TEX11: variants seen among roughly 807,000 people sequenced by gnomAD.
TEX11 encodes testis-expressed protein 11.
Under a neutral mutation model 84.4 loss-of-function variants are expected in TEX11, and 7 were observed. The observed-to-expected ratio is 0.08, with a 90% CI of 0.05 to 0.16. The LOEUF (loss-of-function observed/expected upper bound fraction) is 0.16, where lower values mean the gene tolerates loss of function less well. Among genes scored for constraint, TEX11 ranks in the 10% least tolerant of loss-of-function variants. The pLI is 1.00. For synonymous variants in TEX11, 264 were observed against 222.8 expected (o/e 1.18, Z -1.64); for missense variants, 551 against 660.5 (o/e 0.83, Z 1.82).
intron 25 of TEX11, among the ~76,000 whole-genome samples, chrX:70,556,292 C>T (rs762996726): frequency 9.1e-6 from 1 of 110,181 alleles, no homozygotes; most frequent in Non-Finnish European, 1.9e-5. Flanking sequence ...TAGTTGTAGC[C>T]TACACATTTT....
intron 13 of TEX11, among the ~76,000 whole-genome samples, 188 bp from the exon 14 acceptor site, chrX:70,683,013 A>G (rs898403509): frequency 2.7e-5 from 3 of 111,816 alleles, no homozygotes; most frequent in Non-Finnish European, 5.6e-5. Context: ...ATTTCAGTTT[A>G]TTAAGCCATA....
intron 9 of TEX11, among the ~76,000 whole-genome samples, chrX:70,746,111 T>C (rs2090766169): frequency 9.0e-6 from 1 of 111,591 alleles, no homozygotes; most frequent in Non-Finnish European, 1.9e-5. Flanking sequence ...TCTATGGCAT[T>C]TGAACTATAA....
chrX:70,562,985 C>T (rs887757857), intron 25 of TEX11, among the ~76,000 whole-genome samples: 37 of 111,815 alleles, frequency 3.3e-4, no homozygotes, highest in African/African-American at 1.1e-3. Flanking sequence ...AGTAGTATTC[C>T]ATTATAGAGA....
chrX:70,887,494 A>G (rs1197826978), intron 2 of TEX11, among the ~76,000 whole-genome samples: 2 of 111,955 alleles, frequency 1.8e-5, no homozygotes, highest in Admixed American at 9.5e-5. Context: ...GCCTGGGGAA[A>G]AAGGAGGGAA....
intron 25 of TEX11, among the ~76,000 whole-genome samples, chrX:70,557,640 TTGA>T (rs1235691003): frequency 8.9e-6 from 1 of 111,771 alleles, no homozygotes; most frequent in East Asian, 2.8e-4. Flanking sequence ...GTTCATGGAT[TTGA>T]TGATTTATCA....
At position 70,781,791 on chromosome X, in the gene TEX11, A is replaced by G. The variant is rs1158323738; in HGVS notation, c.692+24914T>C. 2.7e-5 allele frequency among the ~76,000 whole-genome samples: 3 copies of G among 111,579 alleles called. No individual in the cohort carries two copies. In the East Asian group the frequency reaches 8.4e-4, roughly 31 times the overall value. On this transcript the variant is annotated intron_variant, in intron 9 of 29. Transcript: ENST00000374333. ...AAAAAAGAGTAAAAAGAAATGAACA[A>G]AATCTCCAAGAAATATGGGACCATG...
chrX:70,640,174 G>A (rs1390794420), intron 17 of TEX11, among the ~76,000 whole-genome samples: 5 of 109,664 alleles, frequency 4.6e-5, no homozygotes, highest in African/African-American at 1.7e-4. Context: ...TATCAGCAAT[G>A]GAAGATGAAA....
Position 70,720,773 on chromosome X carries a change from A to AAT in TEX11, c.1004+1843_1004+1844dup, listed in dbSNP as rs58118818. Among the ~76,000 whole-genome samples the AAT allele has an allele frequency of 8.2e-3, 785 of 96,214 alleles. 6 individuals carry two copies. Among genetic ancestry groups the AAT allele is most frequent in the African/African-American group, 0.027 (742 of 27,896 alleles). The allele number at this position is 96,214 out of a possible 115,157, so 83.6% of individuals were successfully genotyped here. On this transcript the variant is annotated intron_variant, in intron 13 of 29. Transcript: ENST00000374333. Reference sequence around the variant, plus strand: ...ATGTATATATTATATACATATATATAATATATATATATATATGAAAACCAT... The same window carrying AAT: ...ATGTATATATTATATACATATATATAATATATATATATATATATGAAAACCAT...
At chrX:70,840,291 C>T (rs1230140580) in intron 7 of TEX11, among the ~76,000 whole-genome samples, 2 of 112,060 alleles carry the variant, frequency 1.8e-5, no homozygotes, top group Admixed American at 9.5e-5. Flanking sequence ...TCTGCAGAAA[C>T]TCTACAAGCC....
intron 25 of TEX11, among the ~76,000 whole-genome samples, chrX:70,573,602 A>G (rs2088634603): frequency 9.0e-6 from 1 of 111,639 alleles, no homozygotes; most frequent in African/African-American, 3.2e-5. Context: ...GACAAAAGTA[A>G]TGCATGACTG....
intron 8 of TEX11, among the ~76,000 whole-genome samples, chrX:70,823,398 T>C (rs1360679942): frequency 9.0e-6 from 1 of 110,792 alleles, no homozygotes; most frequent in African/African-American, 3.3e-5. Context: ...AGAGACTATA[T>C]CTTAAGTGTT....
intron 24 of TEX11, among the ~76,000 whole-genome samples, chrX:70,598,888 G>A (rs1177256694): frequency 8.9e-6 from 1 of 112,317 alleles, no homozygotes; most frequent in Non-Finnish European, 1.9e-5. Flanking sequence ...GTTGCTTAGT[G>A]CTGGTGGCAG....
intron 16 of TEX11, among the ~76,000 whole-genome samples, chrX:70,662,938 G>T (rs1248203619): frequency 1.8e-5 from 2 of 110,984 alleles, no homozygotes; most frequent in African/African-American, 6.5e-5. Flanking sequence ...GGGTAAATTT[G>T]GGGTATAAAG....
intron 9 of TEX11, among the ~76,000 whole-genome samples, chrX:70,791,125 G>A (rs1736524739): frequency 9.0e-6 from 1 of 110,941 alleles, no homozygotes; most frequent in Admixed American, 9.6e-5. Context: ...TTTAAGAGAT[G>A]CATCTCACAT....
intron 9 of TEX11, among the ~76,000 whole-genome samples, chrX:70,746,223 G>A (rs2090766875): frequency 9.0e-6 from 1 of 111,206 alleles, no homozygotes; most frequent in African/African-American, 3.3e-5. Context: ...AAAATCCTAG[G>A]CTATGGTTTC....
At chrX:70,531,940 T>C (rs1197854315) in intron 28 of TEX11, among the ~76,000 whole-genome samples, 1 of 111,700 alleles carries the variant, frequency 9.0e-6, no homozygotes, top group Non-Finnish European at 1.9e-5. Flanking sequence ...CAAGAGTTCT[T>C]TGGCCTAAGC....
intron 8 of TEX11, among the ~76,000 whole-genome samples, chrX:70,814,049 G>GCCAT (rs1463573649): frequency 9.0e-6 from 1 of 111,390 alleles, no homozygotes; most frequent in Non-Finnish European, 1.9e-5. Context: ...TAGATTCAAT[G>GCCAT]CCATCCCCAT....
intron 9 of TEX11, among the ~76,000 whole-genome samples, chrX:70,746,202 C>T (rs1011907834): frequency 6.3e-5 from 7 of 111,376 alleles, no homozygotes; most frequent in Non-Finnish European, 1.3e-4. Flanking sequence ...TTCCCTCTCC[C>T]GCCAGCTCCT....
At chrX:70,662,071 T>G (rs1161995376) in intron 16 of TEX11, among the ~76,000 whole-genome samples, 1 of 111,652 alleles carries the variant, frequency 9.0e-6, no homozygotes, top group African/African-American at 3.3e-5. Flanking sequence ...TACTCCGAGC[T>G]AAAGGAGGAC....
Sources: allele counts gnomAD v4.1 joint callset (sites outside exome capture counted in the v4.1 genomes callset), GRCh38; gene constraint gnomAD v4.1.1; transcripts MANE v1.5; gene names NCBI Gene and HGNC (gene_info 2026-07-23, HGNC 2026-07-21).